Variants in TRAF7 observed in about 807,000 individuals in gnomAD.
The protein encoded by TRAF7 is E3 ubiquitin-protein ligase TRAF7.
TRAF7 carries 45 observed loss-of-function variants against 89.3 expected under a neutral mutation model. The ratio of observed to expected loss-of-function variants is 0.50; its 90% CI spans 0.40 to 0.65. TRAF7 has a LOEUF of 0.65. Among genes scored for constraint, TRAF7 ranks in the 30% least tolerant of loss-of-function variants. The pLI, the probability that TRAF7 is intolerant of heterozygous loss-of-function variation, is 0.00. For missense variants in TRAF7, 677 were observed against 918.1 expected, an observed-to-expected ratio of 0.74 and a Z score of 3.39; for synonymous variants, 406 against 369.2, an observed-to-expected ratio of 1.10 and a Z score of -1.14.
At chr16:2,170,898 A>G (rs1198095437) in intron 5 of TRAF7, among the ~76,000 whole-genome samples, 168 bp downstream of exon 5, 1 of 152,220 alleles carries the variant, frequency 6.6e-6, no homozygotes, top group Non-Finnish European at 1.5e-5. Flanking sequence ...TCGAGGGACC[A>G]GGCCGGGTCC....
chr16:2,176,802 C>T lies in TRAF7; in HGVS notation c.*228C>T, dbSNP rs2093138877. The T allele has an allele frequency of 1.5e-6, 1 of 645,196 alleles. No homozygotes were observed. Among genetic ancestry groups the T allele is most frequent in the Non-Finnish European group, 2.7e-6 (1 of 367,416 alleles). 40.0% of individuals were successfully genotyped at this position (645,196 alleles called of 1,614,324 possible). The stretch of plus-strand genomic sequence containing the variant: ...CTGGGTGCCAGGTACGACGCTTGCC[C>T]CGGCCCACCCTCCATCCCCACCCTC... On this transcript the variant is annotated 3_prime_UTR_variant, in exon 21 of 21. Coordinates refer to ENST00000326181, the MANE Select transcript of TRAF7 (RefSeq NM_032271.3).
In TRAF7 at chr16:2,172,774, G is replaced by A. The variant is rs1434200003; in HGVS notation, c.794+175G>A. On this transcript the variant is annotated intron_variant, in intron 9 of 20. Coordinates refer to ENST00000326181, the MANE Select transcript of TRAF7 (RefSeq NM_032271.3). The stretch of plus-strand genomic sequence containing the variant: ...GAAACCCAGAGGGGGAGCCGAGGGC[G>A]TCCAGGAAGGCGGGCGTGGACGCTC... Among the ~76,000 whole-genome samples, 8 of 152,266 alleles carry A rather than the reference G, an allele frequency of 5.3e-5. No homozygotes were observed. The East Asian group carries it at 1.4e-3, about 26-fold the overall frequency.
chr16:2,173,797 T>TCC lies in TRAF7; in HGVS notation c.1098_1099dup (p.His367ProfsTer7). 6.2e-7 allele frequency: 1 copy of TCC among 1,610,530 alleles called. No individual in the cohort carries two copies. The highest frequency in any genetic ancestry group is 8.5e-7 in the Non-Finnish European group (1 of 1,179,796). ...GCCCTTGGCCCTGCAGGACGAGCTGTCCCACATCAACGCGCGGCTGAACAT... is the reference window on the plus strand; with the variant it reads ...GCCCTTGGCCCTGCAGGACGAGCTGTCCCCCACATCAACGCGCGGCTGAACAT... On this transcript the variant is annotated frameshift_variant, in exon 12 of 21. Transcript: ENST00000326181. LOFTEE classifies it high-confidence loss of function.
chr16:2,175,791 G>C (rs376460403), intron 17 of TRAF7, 43 bp from the exon 18 acceptor site: 5 of 1,607,876 alleles, frequency 3.1e-6, no homozygotes, highest in Non-Finnish European at 4.3e-6. Context: ...CCCTGGGGGT[G>C]AAGCACCTGG....
chr16:2,167,980 C>T (rs2093093093), intron 3 of TRAF7, 97 bp from the exon 4 acceptor site: 4 of 1,130,290 alleles, frequency 3.5e-6, no homozygotes, highest in African/African-American at 1.5e-5. Flanking sequence ...CTGTGAGCTA[C>T]AGGGGACCCA....
In TRAF7 at chr16:2,162,565, T is replaced by C. The variant is rs1275770119; in HGVS notation, c.-38-1318T>C. ...CTTTGGCCTGGGACTGGGACTGTCC[T>C]GCTCCTCTCAGGCCCCTGGGGCCTT... On this transcript the variant is annotated intron_variant, in intron 1 of 20. Transcript: ENST00000326181. This position sits in a 1 kb window ranked among gnomAD's most constrained non-coding sequence, Gnocchi z 5.0. 6.6e-6 allele frequency among the ~76,000 whole-genome samples: 1 copy of C among 152,088 alleles called. No homozygotes were observed. Among genetic ancestry groups the C allele is most frequent in the Non-Finnish European group, 1.5e-5 (1 of 67,972 alleles).
At chr16:2,156,336 C>T (rs1400356577) in intron 1 of TRAF7, among the ~76,000 whole-genome samples, 1 of 152,098 alleles carries the variant, frequency 6.6e-6, no homozygotes, top group East Asian at 1.9e-4. Flanking sequence ...TACCAGTAAA[C>T]ACCACCCCTT....
At chr16:2,165,831 C>T (rs756233874) in intron 2 of TRAF7, 48 bp from the exon 3 acceptor site, 3 of 1,611,332 alleles carry the variant, frequency 1.9e-6, no homozygotes, top group Non-Finnish European at 2.5e-6. Flanking sequence ...TGTGCACGTC[C>T]TCCTTGTGTC....
Position 2,159,496 on chromosome 16 carries a change from A to G in TRAF7, c.-39+3638A>G, listed in dbSNP as rs765657237. Among the ~76,000 whole-genome samples, 3 of 152,154 alleles carry G rather than the reference A, an allele frequency of 2.0e-5. No individual in the cohort carries two copies. The highest frequency in any genetic ancestry group is 2.9e-5 in the Non-Finnish European group (2 of 68,016). On this transcript the variant is annotated intron_variant, in intron 1 of 20. Coordinates refer to ENST00000326181, the MANE Select transcript of TRAF7 (RefSeq NM_032271.3). This position sits in a 1 kb window ranked among gnomAD's most constrained non-coding sequence, Gnocchi z 6.5. ...CGGCGGAAGTGCGTGTGGCTTTGCT[A>G]TGGCAACCAGGCCTGTTTCTATAGA...
chr16:2,163,844 C>T lies in TRAF7; in HGVS notation c.-38-39C>T, dbSNP rs2093067027. On this transcript the variant is annotated intron_variant, in intron 1 of 20. Transcript: ENST00000326181. This position sits in a 1 kb window ranked among gnomAD's most constrained non-coding sequence, Gnocchi z 4.3. ...CCCGTCTGACTCACAGGGGCCTGGG[C>T]TCCATCTCTCAAGCCCCTCATTTGT... 2.3e-6 allele frequency: 3 copies of T among 1,333,258 alleles called. No homozygotes were observed. In the South Asian group the frequency reaches 3.7e-5, roughly 16 times the overall value. The allele number at this position is 1,333,258 out of a possible 1,614,324, so 82.6% of individuals were successfully genotyped here. A position where few individuals can be genotyped will look rare whatever the true frequency, so the allele number is the denominator to read the frequency against.
intron 4 of TRAF7, among the ~76,000 whole-genome samples, chr16:2,169,773 A>C (rs2093100892): frequency 6.6e-6 from 1 of 152,132 alleles, no homozygotes; most frequent in Non-Finnish European, 1.5e-5. Flanking sequence ...ACCCAAAGGG[A>C]GGTGGGTACA....
At chr16:2,169,098 G>A (rs1258736900) in intron 4 of TRAF7, among the ~76,000 whole-genome samples, 1 of 152,006 alleles carries the variant, frequency 6.6e-6, no homozygotes, top group Admixed American at 6.5e-5. Context: ...TGACTCTCCT[G>A]CCTCAGCCTC....
At position 2,172,357 on chromosome 16, in the gene TRAF7, C is replaced by G. The variant is rs769966564; in HGVS notation, c.642C>G (p.Ile214Met). The change falls in exon 8 of 21, where the codon ATC becomes ATG. Residue 214 changes from isoleucine (I) to methionine (M), a missense_variant. Ile to Met is a conservative substitution (Grantham distance 10, BLOSUM62 1). Transcript: ENST00000326181. Reference sequence around the variant, plus strand: ...ACCCCCGAGGGTGCCCCTTCACCATCAAGCTCAGCGCCCGGAAGTAAGTGC... The same window carrying G: ...ACCCCCGAGGGTGCCCCTTCACCATGAAGCTCAGCGCCCGGAAGTAAGTGC... The part of the protein sequence containing the change: ...EVDPRGCPFT[I>M]KLSARKDHEG... 1 of 1,612,170 alleles carries G rather than the reference C, an allele frequency of 6.2e-7. No individual in the cohort carries two copies. The highest frequency in any genetic ancestry group is 1.3e-5 in the African/African-American group (1 of 75,048).
Position 2,159,083 on chromosome 16 carries a change from G to A in TRAF7, c.-39+3225G>A, listed in dbSNP as rs998391411. 3.9e-5 allele frequency among the ~76,000 whole-genome samples: 6 copies of A among 152,220 alleles called. No individual in the cohort carries two copies. Among genetic ancestry groups the A allele is most frequent in the Non-Finnish European group, 8.8e-5 (6 of 68,032 alleles). Reference sequence around the variant, plus strand: ...CAAGGGGTCGGAGGGGCAGCAAAAGGCATCCTTACTGTGAAGTTGGGGTAA... The same window carrying A: ...CAAGGGGTCGGAGGGGCAGCAAAAGACATCCTTACTGTGAAGTTGGGGTAA... On this transcript the variant is annotated intron_variant, in intron 1 of 20. Transcript: ENST00000326181. The surrounding 1 kb of genome is among the most constrained non-coding windows in gnomAD (Gnocchi z 6.5).
At chr16:2,167,743 AG>A (rs2141279184) in intron 3 of TRAF7, among the ~76,000 whole-genome samples, 1 of 152,298 alleles carries the variant, frequency 6.6e-6, no homozygotes, top group South Asian at 2.1e-4. Flanking sequence ...CATGAGCCTC[AG>A]CTGGCTCAAT....
rs140909840 is a variant in TRAF7 at position 2,171,619 on chromosome 16, C to T, written c.475+14C>T. On this transcript the variant is annotated intron_variant, in intron 7 of 20. Coordinates refer to ENST00000326181, the MANE Select transcript of TRAF7 (RefSeq NM_032271.3). ...CCTTGAAGTCAGGTAGGTTTGTGCC[C>T]CGGCCCAGGCCTGACGCCGACCGTG... 1.9e-5 allele frequency: 30 copies of T among 1,613,070 alleles called. No homozygotes were observed. The African/African-American group carries it at 3.6e-4, about 19-fold the overall frequency.
rs774440073 is a variant in TRAF7 at position 2,176,404 on chromosome 16, G to T, written c.1998+20G>T. On this transcript the variant is annotated intron_variant, in intron 20 of 20. Transcript: ENST00000326181. ...GTGAAGGTCAGTGCCCGTGGCTCAG[G>T]CCATTCAAAGGGGCTGCACAGGATG... 2 of 1,610,776 alleles carry T rather than the reference G, an allele frequency of 1.2e-6. No individual in the cohort carries two copies. Among genetic ancestry groups the T allele is most frequent in the Admixed American group, 1.7e-5 (1 of 59,852 alleles).
At position 2,167,386 on chromosome 16, in the gene TRAF7, G is replaced by A. The variant is rs533196515; in HGVS notation, c.140-691G>A. ...TCTGAGCTGGGCTGGTCCTGAGTCC[G>A]GGAGGTGTCTCTCTCTGCCTCCCAC... On this transcript the variant is annotated intron_variant, in intron 3 of 20. Coordinates refer to ENST00000326181, the MANE Select transcript of TRAF7 (RefSeq NM_032271.3). Among the ~76,000 whole-genome samples the A allele has an allele frequency of 1.1e-4, 16 of 152,336 alleles. No homozygotes were observed. In the South Asian group the frequency reaches 1.7e-3, roughly 16 times the overall value.
intron 1 of TRAF7, among the ~76,000 whole-genome samples, chr16:2,160,244 A>T (rs913476980): frequency 1.3e-5 from 2 of 151,894 alleles, no homozygotes; most frequent in African/African-American, 2.4e-5. Flanking sequence ...CCCCAGCTGG[A>T]GGGGACGGTG....
Sources: gnomAD v4.1 joint callset for allele counts (sites outside exome capture counted in the v4.1 genomes callset) on GRCh38, gnomAD v4.1.1 for gene constraint, Gnocchi (gnomAD v3.1) non-coding constraint, MANE v1.5 for transcripts, NCBI Gene and HGNC (gene_info 2026-07-23, HGNC 2026-07-21) for gene names.